Variants in PAK5 observed in about 807,000 individuals in gnomAD.
PAK5 encodes the protein serine/threonine-protein kinase PAK 5.
Under a neutral mutation model 65.9 loss-of-function variants are expected in PAK5, and 16 were observed. The observed-to-expected ratio is 0.24, with a 90% CI of 0.16 to 0.37. The LOEUF is 0.37. Among genes scored for constraint, PAK5 ranks in the 10% least tolerant of loss-of-function variants. The probability of loss-of-function intolerance (pLI) is 1.00; values close to 1 mark genes in which losing one functional copy is unlikely to be tolerated. For missense variants in PAK5, 785 were observed against 903.9 expected (o/e 0.87, Z 1.69); for synonymous variants, 371 against 354.9 (o/e 1.05, Z -0.51).
At chr20:9,576,952 A>C (rs1447730143) in intron 4 of PAK5, among the ~76,000 whole-genome samples, 3 of 152,216 alleles carry the variant, frequency 2.0e-5, no homozygotes, top group Admixed American at 6.5e-5. Flanking sequence ...GTGCTGGGCC[A>C]ATACAAAGAC....
intron 1 of PAK5, among the ~76,000 whole-genome samples, chr20:9,720,993 T>C (rs1196421197): frequency 2.6e-5 from 4 of 152,160 alleles, no homozygotes; most frequent in East Asian, 1.9e-4. Context: ...GGGTTTTATT[T>C]TGGAGCAATG....
chr20:9,593,586 G>A (rs55665040), intron 3 of PAK5, among the ~76,000 whole-genome samples: 6,615 of 152,032 alleles, frequency 0.044, 456 homozygotes, highest in African/African-American at 0.15. Context: ...CCCACTCCCC[G>A]GACAGGCCCC....
chr20:9,780,099 A>G (rs1667646145), intron 1 of PAK5, among the ~76,000 whole-genome samples: 2 of 152,072 alleles, frequency 1.3e-5, no homozygotes, highest in African/African-American at 4.8e-5. Context: ...GGGTCCAAGG[A>G]CCAAAAATAA....
intron 1 of PAK5, among the ~76,000 whole-genome samples, chr20:9,742,353 C>T (rs62192884): frequency 0.19 from 29,520 of 152,082 alleles, 3,085 homozygotes; most frequent in Middle Eastern, 0.33. Context: ...TGAAGCAGAT[C>T]GGCCTGTAAT....
chr20:9,593,722 G>A (rs1236095154), intron 3 of PAK5, among the ~76,000 whole-genome samples: 2 of 152,092 alleles, frequency 1.3e-5, no homozygotes, highest in South Asian at 2.1e-4. Flanking sequence ...CGCTAACTCT[G>A]CAACATTTCT....
chr20:9,749,867 A>G (rs183687241), intron 1 of PAK5, among the ~76,000 whole-genome samples: 23 of 152,150 alleles, frequency 1.5e-4, no homozygotes, highest in African/African-American at 5.5e-4. Context: ...CCCAAGTTCC[A>G]TATCTCCTTG....
At chr20:9,833,593 C>T (rs1335208856) in intron 1 of PAK5, among the ~76,000 whole-genome samples, 1 of 151,994 alleles carries the variant, frequency 6.6e-6, no homozygotes, top group East Asian at 1.9e-4. Flanking sequence ...CTTACCACCA[C>T]CACTCACCTC....
At chr20:9,570,196 C>T (rs1010010559) in intron 4 of PAK5, among the ~76,000 whole-genome samples, 2 of 152,070 alleles carry the variant, frequency 1.3e-5, no homozygotes, top group Non-Finnish European at 2.9e-5. Flanking sequence ...GTAAGTTCTA[C>T]TTGGTGTTAT....
intron 1 of PAK5, among the ~76,000 whole-genome samples, chr20:9,808,290 A>G (rs1487370011): frequency 6.6e-6 from 1 of 152,234 alleles, no homozygotes; most frequent in Non-Finnish European, 1.5e-5. Context: ...ACAAAAAAGT[A>G]TGTGAAAATA....
intron 7 of PAK5, among the ~76,000 whole-genome samples, chr20:9,545,396 C>T (rs2045329155): frequency 6.6e-6 from 1 of 151,940 alleles, no homozygotes; most frequent in Non-Finnish European, 1.5e-5. Context: ...TTCAAACAGC[C>T]TTATGAAAGT....
chr20:9,656,798 G>A (rs2047274301), intron 2 of PAK5, among the ~76,000 whole-genome samples: 1 of 152,106 alleles, frequency 6.6e-6, no homozygotes, highest in Non-Finnish European at 1.5e-5. Flanking sequence ...TTCCATAATT[G>A]TTAGCTATTA....
At chr20:9,720,234 A>C (rs902325836) in intron 1 of PAK5, among the ~76,000 whole-genome samples, 5 of 152,182 alleles carry the variant, frequency 3.3e-5, no homozygotes, top group African/African-American at 1.2e-4. Flanking sequence ...GATAGACTTC[A>C]AGGGTTCCAT....
chr20:9,636,722 T>C (rs1461215168), intron 3 of PAK5, among the ~76,000 whole-genome samples: 2 of 152,172 alleles, frequency 1.3e-5, no homozygotes, highest in East Asian at 3.9e-4. Flanking sequence ...GGATGGAATA[T>C]TGTATTCAAT....
At chr20:9,708,409 C>T (rs1466473977) in intron 2 of PAK5, among the ~76,000 whole-genome samples, 1 of 151,982 alleles carries the variant, frequency 6.6e-6, no homozygotes, top group African/African-American at 2.4e-5. Context: ...TAAATATCTC[C>T]CACCTGACAG....
chr20:9,778,891 C>T (rs976238873), intron 1 of PAK5, among the ~76,000 whole-genome samples: 21 of 151,988 alleles, frequency 1.4e-4, no homozygotes, highest in African/African-American at 3.6e-4. Flanking sequence ...CCTCTAAACC[C>T]TCAGAATATC....
chr20:9,551,859 G>T (rs1464415357), intron 7 of PAK5, among the ~76,000 whole-genome samples: 1 of 152,202 alleles, frequency 6.6e-6, no homozygotes, highest in East Asian at 1.9e-4. Context: ...AGTGGGTTCT[G>T]ATGCTCAGTA....
chr20:9,684,084 T>C (rs1475882909), intron 2 of PAK5, among the ~76,000 whole-genome samples: 1 of 152,216 alleles, frequency 6.6e-6, no homozygotes, highest in Non-Finnish European at 1.5e-5. Flanking sequence ...CATTGGACTA[T>C]GAAGTGAATA....
intron 3 of PAK5, among the ~76,000 whole-genome samples, chr20:9,608,641 G>A (rs2046500209): frequency 6.6e-6 from 1 of 152,214 alleles, no homozygotes; most frequent in African/African-American, 2.4e-5. Flanking sequence ...AGCAGACAGG[G>A]TATTTTTAAG....
chr20:9,655,439 G>T, intron 2 of PAK5, among the ~76,000 whole-genome samples: 2 of 149,456 alleles, frequency 1.3e-5, no homozygotes. Context: ...TAGCCTATTT[G>T]GGGTGTTATG....
Sources: allele counts gnomAD v4.1 joint callset (sites outside exome capture counted in the v4.1 genomes callset), GRCh38; gene constraint gnomAD v4.1.1; transcripts MANE v1.5; gene names NCBI Gene and HGNC (gene_info 2026-07-23, HGNC 2026-07-21).